ZNF804A: variants seen among roughly 807,000 people sequenced by gnomAD.
The protein encoded by ZNF804A is zinc finger protein 804A.
A neutral mutation model predicts 16.5 loss-of-function variants in ZNF804A; 2 were observed. The observed-to-expected ratio is 0.12, with a 90% CI of 0.05 to 0.38. ZNF804A has a LOEUF of 0.38. ZNF804A is among the 10% of genes least tolerant of loss of function. ZNF804A has a pLI of 0.99. For missense variants in ZNF804A, 1,473 were observed against 1,390.7 expected (o/e 1.06, Z -0.94); for synonymous variants, 534 against 489.6 (o/e 1.09, Z -1.20).
intron 1 of ZNF804A, among the ~76,000 whole-genome samples, chr2:184,749,419 T>G (rs1284761999): frequency 6.6e-6 from 1 of 151,260 alleles, no homozygotes; most frequent in Non-Finnish European, 1.5e-5. Context: ...TATTTGTACA[T>G]TTATTTTGTA....
At chr2:184,776,290 G>A (rs1694283576) in intron 1 of ZNF804A, among the ~76,000 whole-genome samples, 2 of 151,254 alleles carry the variant, frequency 1.3e-5, no homozygotes, top group African/African-American at 4.8e-5. Flanking sequence ...ATCTGGCATT[G>A]AAAAAAATGC....
At chr2:184,822,721 A>G (rs543990508) in intron 1 of ZNF804A, among the ~76,000 whole-genome samples, 1 of 152,240 alleles carries the variant, frequency 6.6e-6, no homozygotes, top group Admixed American at 6.6e-5. Flanking sequence ...TGTTGAATTT[A>G]AATTTGATAA....
chr2:184,782,020 T>A (rs1694378737), intron 1 of ZNF804A, among the ~76,000 whole-genome samples: 1 of 151,818 alleles, frequency 6.6e-6, no homozygotes, highest in African/African-American at 2.4e-5. Context: ...TCTGTATGTA[T>A]CTGTGTTCTA....
intron 1 of ZNF804A, among the ~76,000 whole-genome samples, chr2:184,772,946 TAC>T (rs1694238318): frequency 1.4e-5 from 2 of 146,920 alleles, no homozygotes; most frequent in Admixed American, 6.8e-5. Flanking sequence ...TATATACATA[TAC>T]ATATATACAT....
At chr2:184,628,742 C>T (rs1691551535) in intron 1 of ZNF804A, among the ~76,000 whole-genome samples, 1 of 151,658 alleles carries the variant, frequency 6.6e-6, no homozygotes, top group East Asian at 1.9e-4. Flanking sequence ...TGGTACATGC[C>T]CATGAGTTTC....
At chr2:184,807,508 G>A (rs552184171) in intron 1 of ZNF804A, among the ~76,000 whole-genome samples, 1 of 151,890 alleles carries the variant, frequency 6.6e-6, no homozygotes, top group African/African-American at 2.4e-5. Context: ...AATGAAGGCT[G>A]GTTGTTGAAC....
At chr2:184,802,967 C>A (rs1320857030) in intron 1 of ZNF804A, among the ~76,000 whole-genome samples, 1 of 152,116 alleles carries the variant, frequency 6.6e-6, no homozygotes, top group Non-Finnish European at 1.5e-5. Flanking sequence ...AAGGTTCAAC[C>A]TTCCAATCTG....
At chr2:184,871,723 A>G (rs1434836817) in intron 2 of ZNF804A, among the ~76,000 whole-genome samples, 1 of 151,976 alleles carries the variant, frequency 6.6e-6, no homozygotes, top group Non-Finnish European at 1.5e-5. Context: ...CTAAAAGCAA[A>G]CCTTAATTGT....
chr2:184,680,855 C>A lies in ZNF804A; in HGVS notation c.111+81785C>A, dbSNP rs987892651. Among the ~76,000 whole-genome samples the A allele has an allele frequency of 3.3e-5, 5 of 152,346 alleles. No homozygotes were observed. The East Asian group carries it at 9.7e-4, about 30-fold the overall frequency. ...GGGAGCTTAGACCTAGGAGCTCCCC[C>A]AAGCCAGGGCTGTGACAACCACTTT... On this transcript the variant is annotated intron_variant, in intron 1 of 3. Coordinates refer to ENST00000302277, the MANE Select transcript of ZNF804A (RefSeq NM_194250.2).
intron 1 of ZNF804A, among the ~76,000 whole-genome samples, chr2:184,835,534 A>G (rs188831891): frequency 1.3e-5 from 2 of 152,116 alleles, no homozygotes; most frequent in Admixed American, 6.6e-5. Flanking sequence ...GTTTCAGCTA[A>G]TTGTTAACCT....
At chr2:184,701,156 T>G (rs576712977) in intron 1 of ZNF804A, among the ~76,000 whole-genome samples, 3 of 152,104 alleles carry the variant, frequency 2.0e-5, no homozygotes, top group African/African-American at 7.2e-5. Flanking sequence ...AGTGTTTGCC[T>G]TACTTTAATT....
intron 1 of ZNF804A, among the ~76,000 whole-genome samples, chr2:184,637,663 C>T (rs1574141676): frequency 2.5e-5 from 1 of 39,258 alleles, no homozygotes; most frequent in East Asian, 4.9e-4. Flanking sequence ...TTATAAAATA[C>T]TCTGCAGGCA....
At chr2:184,704,340 CG>C (rs1461715763) in intron 1 of ZNF804A, among the ~76,000 whole-genome samples, 3 of 151,858 alleles carry the variant, frequency 2.0e-5, no homozygotes, top group Admixed American at 6.6e-5. Flanking sequence ...TTAGTAGAGA[CG>C]GGGTTTCTCC....
chr2:184,828,706 G>C (rs1241130814), intron 1 of ZNF804A, among the ~76,000 whole-genome samples: 1 of 151,692 alleles, frequency 6.6e-6, no homozygotes, highest in Admixed American at 6.6e-5. Flanking sequence ...AGAAAATTAG[G>C]CCCATTCTAC....
chr2:184,661,730 A>C (rs1179211058), intron 1 of ZNF804A, among the ~76,000 whole-genome samples: 1 of 152,176 alleles, frequency 6.6e-6, no homozygotes, highest in Non-Finnish European at 1.5e-5. Context: ...GGCTGAATTC[A>C]ACTGTCTTTG....
chr2:184,755,679 A>G (rs1202979617), intron 1 of ZNF804A, among the ~76,000 whole-genome samples: 2 of 152,094 alleles, frequency 1.3e-5, no homozygotes, highest in African/African-American at 4.8e-5. Flanking sequence ...ATCACAACAC[A>G]CCTGATTTTT....
chr2:184,664,916 T>C (rs899076690), intron 1 of ZNF804A, among the ~76,000 whole-genome samples: 1 of 152,200 alleles, frequency 6.6e-6, no homozygotes, highest in African/African-American at 2.4e-5. Flanking sequence ...TGAATGGAAA[T>C]ACTTTAGAAC....
rs2105844490 is a variant in ZNF804A at position 184,937,312 on chromosome 2, C to T, written c.1916C>T (p.Ser639Leu). ...GGGAAATATCTATTGGAACCAATTT[C>T]AGAAAAGCAGTATTTAGCTGCAGAG... ...NAGKYLLEPI[S>L]EKQYLAAEQL... The change falls in exon 4 of 4, where the codon TCA (serine) becomes TTA (leucine). Residue 639 changes from serine to leucine, a missense_variant. Coordinates refer to ENST00000302277, the MANE Select transcript of ZNF804A (RefSeq NM_194250.2). 2 of 1,613,884 alleles carry T rather than the reference C, an allele frequency of 1.2e-6. No homozygotes were observed. The highest frequency in any genetic ancestry group is 3.3e-4 in the Middle Eastern group (2 of 6,054).
chr2:184,666,002 A>G (rs972603711), intron 1 of ZNF804A, among the ~76,000 whole-genome samples: 2 of 152,130 alleles, frequency 1.3e-5, no homozygotes, highest in African/African-American at 4.8e-5. Context: ...ATATCAACCA[A>G]TTAAATTTGG....
Sources: gnomAD v4.1 joint callset for allele counts (sites outside exome capture counted in the v4.1 genomes callset) on GRCh38, gnomAD v4.1.1 for gene constraint, MANE v1.5 for transcripts, NCBI Gene and HGNC (gene_info 2026-07-23, HGNC 2026-07-21) for gene names.